TNS3: variants seen among roughly 807,000 people sequenced by gnomAD.
TNS3 encodes the protein tensin 3, also known as tensin-3.
A neutral mutation model predicts 140.9 loss-of-function variants in TNS3; 45 were observed. The observed-to-expected ratio is 0.32, with a 90% CI of 0.25 to 0.41. The LOEUF (loss-of-function observed/expected upper bound fraction) is 0.41, where lower values mean the gene tolerates loss of function less well. Ranked by LOEUF, TNS3 falls within the 10% of genes least tolerant of loss-of-function variation. TNS3 has a pLI of 1.00. For synonymous variants in TNS3, 815 were observed against 788.4 expected (o/e 1.03, Z -0.56); for missense variants, 1,716 against 1,906.7 (o/e 0.90, Z 1.86).
At chr7:47,561,262 C>T (rs1374823435) in intron 1 of TNS3, among the ~76,000 whole-genome samples, 1 of 152,114 alleles carries the variant, frequency 6.6e-6, no homozygotes, top group African/African-American at 2.4e-5. Flanking sequence ...GCACCTTATT[C>T]TTAGGGGCCT....
intron 1 of TNS3, among the ~76,000 whole-genome samples, chr7:47,556,178 T>C (rs1800190270): frequency 6.6e-6 from 1 of 152,240 alleles, no homozygotes; most frequent in Non-Finnish European, 1.5e-5. Context: ...TGAACCCACA[T>C]GCCCTCTTTT....
intron 3 of TNS3, among the ~76,000 whole-genome samples, chr7:47,485,568 G>A (rs1054703903): frequency 3.3e-5 from 5 of 152,218 alleles, no homozygotes; most frequent in Non-Finnish European, 5.9e-5. Flanking sequence ...AGCAGCTCCC[G>A]TTAGCAGCTA....
At chr7:47,487,982 A>G (rs898957160) in intron 3 of TNS3, among the ~76,000 whole-genome samples, 1 of 152,100 alleles carries the variant, frequency 6.6e-6, no homozygotes, top group Non-Finnish European at 1.5e-5. Flanking sequence ...ATATTTGCTG[A>G]CCACCAGGAC....
chr7:47,556,338 T>C (rs977752065), intron 1 of TNS3, among the ~76,000 whole-genome samples: 11 of 152,306 alleles, frequency 7.2e-5, no homozygotes, highest in Admixed American at 7.2e-4. Context: ...AGATAGATTA[T>C]TTAGAGTCCT....
Position 47,346,306 on chromosome 7 carries a change from C to T in TNS3, c.2332G>A (p.Gly778Arg). ...CCCCCAGCATCGTTGTCGTACTGCC[C>T]CAGGCTCAGCTTCCTGAGTCTCCCG... ...LGGRLRKLSL[G>R]QYDNDAGGQL... The change falls in exon 18 of 31, where the codon GGG becomes AGG. Residue 778 changes from glycine to arginine, a missense_variant. By Grantham distance (125) the Gly-to-Arg change is moderately radical (BLOSUM62 -2). This residue lies in a region of TNS3 where 1,163 missense variants were observed against 1,182.1 expected (regional missense o/e 0.98). Transcript: ENST00000311160. 1 of 1,614,224 alleles carries T rather than the reference C, an allele frequency of 6.2e-7. No individual in the cohort carries two copies. Among genetic ancestry groups the T allele is most frequent in the Non-Finnish European group, 8.5e-7 (1 of 1,180,034 alleles).
At position 47,565,222 on chromosome 7, in the gene TNS3, C is replaced by T. The variant is rs542059064; in HGVS notation, c.-265+16829G>A. Among the ~76,000 whole-genome samples the T allele has an allele frequency of 1.7e-4, 26 of 151,918 alleles. No individual in the cohort carries two copies. The East Asian group carries it at 3.9e-3, about 23-fold the overall frequency. ...CCTCCTGAGTAGCTGGGACTACAGG[C>T]GCCCACCACCAAGCCCGGCTAATTT... On this transcript the variant is annotated intron_variant, in intron 1 of 30. Transcript: ENST00000311160.
rs1386210520 is a variant in TNS3 at position 47,482,486 on chromosome 7, A to AT, written c.-114-1346_-114-1345insA. Among the ~76,000 whole-genome samples, 953 of 99,598 alleles carry AT rather than the reference A, an allele frequency of 9.6e-3. 6 individuals carry two copies. The highest frequency in any genetic ancestry group is 0.023 in the African/African-American group (891 of 38,604). 65.3% of individuals were successfully genotyped at this position (99,598 alleles called of 152,430 possible). On this transcript the variant is annotated intron_variant, in intron 3 of 30. Coordinates refer to ENST00000311160, the MANE Select transcript of TNS3 (RefSeq NM_022748.12). ...ACAAATAAATGTAAAGCAAAACAAA[A>AT]CAAAAACAGCTTTGGAAACAGAAGG...
chr7:47,502,640 A>G (rs1260354508), intron 3 of TNS3, among the ~76,000 whole-genome samples: 1 of 152,220 alleles, frequency 6.6e-6, no homozygotes, highest in African/African-American at 2.4e-5. Context: ...CTCAGCTTAA[A>G]AAGAGCAGCA....
Position 47,288,142 on chromosome 7 carries a change from T to C in TNS3, c.3928+3813A>G, listed in dbSNP as rs1005616396. The stretch of plus-strand genomic sequence containing the variant: ...TTGCGTGTGCCCTGGTGCTACCATA[T>C]AGGGCTGAATGGGCAGGGCTGTGTC... On this transcript the variant is annotated intron_variant, in intron 27 of 30. Transcript: ENST00000311160. Among the ~76,000 whole-genome samples, 3 of 152,158 alleles carry C rather than the reference T, an allele frequency of 2.0e-5. 1 individual carries two copies. Among genetic ancestry groups the C allele is most frequent in the Admixed American group, 6.5e-5 (1 of 15,282 alleles).
Position 47,411,807 on chromosome 7 carries a change from G to C in TNS3, c.648-5C>G, listed in dbSNP as rs1340303632. On this transcript the variant is annotated splice_polypyrimidine_tract_variant and splice_region_variant and intron_variant, in intron 12 of 30. Transcript: ENST00000311160. ...GGGTTTTCTGGGCCAACGTTGCTTT[G>C]GGATGAAGAAGAAGGTAGATCATTA... The C allele has an allele frequency of 1.2e-6, 2 of 1,612,886 alleles. No homozygotes were observed. The highest frequency in any genetic ancestry group is 8.5e-7 in the Non-Finnish European group (1 of 1,179,484).
intron 20 of TNS3, among the ~76,000 whole-genome samples, chr7:47,343,216 G>C (rs947169557): frequency 3.9e-5 from 6 of 152,130 alleles, no homozygotes; most frequent in African/African-American, 1.4e-4. Context: ...TCATCTCCAG[G>C]CTGGGACAAT....
intron 24 of TNS3, among the ~76,000 whole-genome samples, chr7:47,294,332 C>T (rs1458290890): frequency 2.0e-5 from 3 of 152,208 alleles, no homozygotes; most frequent in Admixed American, 2.0e-4. Flanking sequence ...AAGCACTCAG[C>T]TGCACGGGAG....
intron 20 of TNS3, among the ~76,000 whole-genome samples, chr7:47,319,969 C>T (rs889585959): frequency 4.6e-5 from 7 of 152,180 alleles, no homozygotes; most frequent in African/African-American, 1.7e-4. Context: ...CACTGGGAAT[C>T]CTGTGTTAGG....
intron 4 of TNS3, among the ~76,000 whole-genome samples, chr7:47,479,754 G>A (rs1419347983): frequency 6.6e-6 from 1 of 152,236 alleles, no homozygotes; most frequent in Non-Finnish European, 1.5e-5. Context: ...ATTAAAAGGA[G>A]CATAATAAGG....
At chr7:47,296,717 G>A (rs1786045164) in intron 24 of TNS3, among the ~76,000 whole-genome samples, 1 of 152,148 alleles carries the variant, frequency 6.6e-6, no homozygotes, top group Non-Finnish European at 1.5e-5. Context: ...ATTTGGACAG[G>A]TAACCAGTGA....
At chr7:47,424,482 G>A (rs1469189364) in intron 9 of TNS3, among the ~76,000 whole-genome samples, 1 of 152,206 alleles carries the variant, frequency 6.6e-6, no homozygotes, top group African/African-American at 2.4e-5. Context: ...GCTTGCAGAA[G>A]AACCAACTGA....
intron 27 of TNS3, among the ~76,000 whole-genome samples, chr7:47,284,538 C>T (rs9639979): frequency 0.068 from 10,294 of 152,208 alleles, 481 homozygotes; most frequent in South Asian, 0.1. Context: ...AGCCTGTGAC[C>T]CTGCAGTTCA....
chr7:47,345,832 G>T (rs1051782749), intron 18 of TNS3, among the ~76,000 whole-genome samples: 4 of 152,196 alleles, frequency 2.6e-5, no homozygotes, highest in African/African-American at 9.6e-5. Flanking sequence ...AGGCCTATAA[G>T]AGCCCTACCT....
intron 27 of TNS3, among the ~76,000 whole-genome samples, chr7:47,291,120 G>A (rs1785673358): frequency 6.6e-6 from 1 of 152,130 alleles, no homozygotes; most frequent in Non-Finnish European, 1.5e-5. Context: ...TGACAATACT[G>A]GAAAAGTTGA....
Sources: gnomAD v4.1 joint callset for allele counts (sites outside exome capture counted in the v4.1 genomes callset) on GRCh38, gnomAD v4.1.1 for gene constraint, gnomAD v4.1.1 regional missense constraint, MANE v1.5 for transcripts, NCBI Gene and HGNC (gene_info 2026-07-23, HGNC 2026-07-21) for gene names.